Variants in ZBTB16 observed in about 807,000 individuals in gnomAD.
The protein encoded by ZBTB16 is zinc finger and BTB domain-containing protein 16.
A neutral mutation model predicts 56.8 loss-of-function variants in ZBTB16; 8 were observed. That is an observed-to-expected ratio of 0.14 (90% confidence interval 0.08 to 0.25). The LOEUF (loss-of-function observed/expected upper bound fraction) is 0.25. Ranked by LOEUF, ZBTB16 falls within the 10% of genes least tolerant of loss-of-function variation. The pLI, the probability that ZBTB16 is intolerant of heterozygous loss-of-function variation, is 1.00. For missense variants in ZBTB16, 625 were observed against 903.0 expected (o/e 0.69, Z 3.95); for synonymous variants, 363 against 368.5 (o/e 0.98, Z 0.17).
At chr11:114,220,688 C>G (rs562685819) in intron 4 of ZBTB16, among the ~76,000 whole-genome samples, 4 of 152,316 alleles carry the variant, frequency 2.6e-5, no homozygotes, top group African/African-American at 9.6e-5. Context: ...TAGCAACATT[C>G]TTATTTTTCT....
chr11:114,172,461 G>A lies in ZBTB16; in HGVS notation c.1367-14491G>A, dbSNP rs149306313. Among the ~76,000 whole-genome samples the A allele has an allele frequency of 3.4e-3, 519 of 152,306 alleles. 4 individuals are homozygous for A. Among genetic ancestry groups the A allele is most frequent in the African/African-American group, 0.012 (494 of 41,576 alleles). On this transcript the variant is annotated intron_variant, in intron 3 of 6. Coordinates refer to ENST00000335953, the MANE Select transcript of ZBTB16 (RefSeq NM_006006.6). ...CTGTTAGGACATCCATTTTACAGAT[G>A]AGGAGACTGAGTTTACTTGCCCAAG...
rs956764280 is a variant in ZBTB16 at position 114,143,724 on chromosome 11, A to G, written c.1269-12613A>G. On this transcript the variant is annotated intron_variant, in intron 2 of 6. Transcript: ENST00000335953. The surrounding 1 kb of genome is among the most constrained non-coding windows in gnomAD (Gnocchi z 6.4). Reference sequence around the variant, plus strand: ...CCATGCCATGGACCGTCGCTGCATCATCTAAGCACAGGGCACCCAGGCGGG... The same window carrying G: ...CCATGCCATGGACCGTCGCTGCATCGTCTAAGCACAGGGCACCCAGGCGGG... 6.6e-6 allele frequency among the ~76,000 whole-genome samples: 1 copy of G among 152,212 alleles called. No homozygotes were observed.
chr11:114,124,131 T>G (rs1251418971), intron 2 of ZBTB16, among the ~76,000 whole-genome samples: 1 of 152,162 alleles, frequency 6.6e-6, no homozygotes, highest in Non-Finnish European at 1.5e-5. Flanking sequence ...TTGTGACTCT[T>G]AGGACATCTG....
chr11:114,062,294 G>A (rs1407556639), intron 1 of ZBTB16, among the ~76,000 whole-genome samples: 3 of 152,026 alleles, frequency 2.0e-5, no homozygotes, highest in African/African-American at 7.2e-5. Context: ...GTAGAGACGG[G>A]GCTTCTCCAT....
At chr11:114,136,910 T>G (rs1941811577) in intron 2 of ZBTB16, among the ~76,000 whole-genome samples, 1 of 152,208 alleles carries the variant, frequency 6.6e-6, no homozygotes, top group Non-Finnish European at 1.5e-5. Flanking sequence ...TGTCCTATAC[T>G]CACACTTCCT....
At chr11:114,095,329 C>T (rs1210875568) in intron 2 of ZBTB16, among the ~76,000 whole-genome samples, 6 of 137,514 alleles carry the variant, frequency 4.4e-5, no homozygotes, top group African/African-American at 1.7e-4. Context: ...GGCTCGATCT[C>T]GGCTCACTGC....
Position 114,254,395 on chromosome 11 carries a change from G to GA in ZBTB16, c.*3848dup, listed in dbSNP as rs1021331045. ...TGCCTGAACAGTTTTTCCATGTTGA[G>GA]AAAAAAAAGAAAAAAAAACTGCTGC... On this transcript the variant is annotated 3_prime_UTR_variant, in exon 7 of 7. Coordinates refer to ENST00000335953, the MANE Select transcript of ZBTB16 (RefSeq NM_006006.6). 6.0e-5 allele frequency among the ~76,000 whole-genome samples: 9 copies of GA among 150,320 alleles called. No homozygotes were observed. The highest frequency in any genetic ancestry group is 1.2e-4 in the Non-Finnish European group (8 of 67,550).
intron 2 of ZBTB16, among the ~76,000 whole-genome samples, chr11:114,132,258 A>G (rs935126928): frequency 1.3e-5 from 2 of 152,016 alleles, no homozygotes; most frequent in Non-Finnish European, 2.9e-5. Context: ...TCAATACTTG[A>G]TTTATTTGTG....
chr11:114,097,550 TATC>T (rs1393256789), intron 2 of ZBTB16, among the ~76,000 whole-genome samples: 1 of 152,186 alleles, frequency 6.6e-6, no homozygotes, highest in Non-Finnish European at 1.5e-5. Flanking sequence ...ATACTGAGAA[TATC>T]ATACTGATAA....
At chr11:114,205,250 A>T (rs1197101819) in intron 4 of ZBTB16, among the ~76,000 whole-genome samples, 2 of 152,098 alleles carry the variant, frequency 1.3e-5, no homozygotes, top group Non-Finnish European at 2.9e-5. Context: ...TCTACTAAAA[A>T]TACAAAAAAA....
chr11:114,062,624 G>A (rs146872086), intron 1 of ZBTB16, among the ~76,000 whole-genome samples: 49 of 152,362 alleles, frequency 3.2e-4, no homozygotes, highest in Middle Eastern at 3.4e-3. Context: ...AAGGCTGATG[G>A]TGAGAGGATA....
intron 4 of ZBTB16, among the ~76,000 whole-genome samples, chr11:114,229,527 C>T (rs1317196385): frequency 6.6e-6 from 1 of 152,182 alleles, no homozygotes; most frequent in Non-Finnish European, 1.5e-5. Context: ...GCTTCTAAAT[C>T]CAGCCTCTCA....
chr11:114,074,102 AT>A (rs1172347821), intron 2 of ZBTB16, among the ~76,000 whole-genome samples: 3 of 152,226 alleles, frequency 2.0e-5, no homozygotes, highest in African/African-American at 7.2e-5. Context: ...TTTTTAAAGT[AT>A]GTTAATGAGA....
intron 3 of ZBTB16, among the ~76,000 whole-genome samples, chr11:114,173,447 C>T (rs1433445177): frequency 1.3e-5 from 2 of 152,140 alleles, no homozygotes; most frequent in African/African-American, 4.8e-5. Flanking sequence ...TCTTTCCCAG[C>T]TGTCACCAAG....
rs1202287120 is a variant in ZBTB16 at position 114,242,326 on chromosome 11, G to A, written c.1613G>A (p.Arg538His). 4 of 1,613,492 alleles carry A rather than the reference G, an allele frequency of 2.5e-6. No homozygotes were observed. Among genetic ancestry groups the A allele is most frequent in the East Asian group, 2.2e-5 (1 of 44,884 alleles). ...CACACGGCTCTCAAACGCCACCTGCGCTCACATACAGGTAGGTCAGTCCAG... is the reference window on the plus strand; with the variant it reads ...CACACGGCTCTCAAACGCCACCTGCACTCACATACAGGTAGGTCAGTCCAG... ...PSHTALKRHL[R>H]SHTGDHPYEC... Residue 538 changes from arginine to histidine, a missense_variant, in exon 5 of 7, where the codon CGC becomes CAC. Arg to His is a conservative substitution (Grantham distance 29). Around this residue, in one of 6 missense-constraint regions of ZBTB16, gnomAD observed 140 missense variants for 214.8 expected, o/e 0.65. Coordinates refer to ENST00000335953, the MANE Select transcript of ZBTB16 (RefSeq NM_006006.6).
intron 2 of ZBTB16, among the ~76,000 whole-genome samples, chr11:114,122,397 G>A (rs974681337): frequency 5.3e-5 from 8 of 152,228 alleles, no homozygotes; most frequent in Admixed American, 2.6e-4. Context: ...CTAATAAACA[G>A]AGAGAAGACA....
At chr11:114,076,799 C>G (rs1289946370) in intron 2 of ZBTB16, among the ~76,000 whole-genome samples, 1 of 152,100 alleles carries the variant, frequency 6.6e-6, no homozygotes, top group South Asian at 2.1e-4. Context: ...TGTGCCTGGC[C>G]CCTTTCCTCA....
intron 4 of ZBTB16, among the ~76,000 whole-genome samples, chr11:114,214,842 T>C (rs1591789128): frequency 6.6e-6 from 1 of 152,256 alleles, no homozygotes; most frequent in Non-Finnish European, 1.5e-5. Context: ...GTTTGTTTGT[T>C]TTTTCTTGAT....
intron 2 of ZBTB16, among the ~76,000 whole-genome samples, chr11:114,141,494 C>T (rs1440570210): frequency 6.6e-6 from 1 of 152,228 alleles, no homozygotes; most frequent in Non-Finnish European, 1.5e-5. Flanking sequence ...TTTAGTCTTA[C>T]ACTAGCTACA....
Sources: allele counts gnomAD v4.1 joint callset (sites outside exome capture counted in the v4.1 genomes callset), GRCh38; gene constraint gnomAD v4.1.1; regional missense constraint gnomAD v4.1.1; non-coding constraint Gnocchi (gnomAD v3.1); transcripts MANE v1.5; gene names NCBI Gene and HGNC (gene_info 2026-07-23, HGNC 2026-07-21).